Variants in DAB1 observed in about 807,000 individuals in gnomAD.
DAB1 encodes DAB adaptor protein 1, also known as disabled homolog 1.
A neutral mutation model predicts 64.6 loss-of-function variants in DAB1; 15 were observed. The observed-to-expected ratio is 0.23, with a 90% CI of 0.16 to 0.36. The LOEUF (loss-of-function observed/expected upper bound fraction) is 0.36, where lower values mean the gene tolerates loss of function less well. Ranked by LOEUF, DAB1 falls within the 10% of genes least tolerant of loss-of-function variation. The probability of loss-of-function intolerance (pLI) is 1.00; values close to 1 mark genes in which losing one functional copy is unlikely to be tolerated. For missense variants in DAB1, 596 were observed against 706.7 expected, an observed-to-expected ratio of 0.84 and a Z score of 1.78; for synonymous variants, 235 against 251.9, an observed-to-expected ratio of 0.93 and a Z score of 0.64.
intron 4 of DAB1, among the ~76,000 whole-genome samples, chr1:57,130,605 A>T (rs1005694387): frequency 1.3e-5 from 2 of 152,134 alleles, no homozygotes; most frequent in African/African-American, 4.8e-5. Context: ...TGTCATTTGG[A>T]GAACATGGAC....
chr1:57,160,889 T>A (rs1164206193), intron 2 of DAB1, among the ~76,000 whole-genome samples: 2 of 152,108 alleles, frequency 1.3e-5, no homozygotes, highest in Non-Finnish European at 2.9e-5. Flanking sequence ...GGGCTGGGTA[T>A]AAACACCCAG....
intron 6 of DAB1, among the ~76,000 whole-genome samples, chr1:57,797,595 C>A (rs1263028517): frequency 6.6e-6 from 1 of 152,188 alleles, no homozygotes; most frequent in Non-Finnish European, 1.5e-5. Context: ...AATGCTAGAA[C>A]ATGTTGAAGT....
intron 5 of DAB1, among the ~76,000 whole-genome samples, chr1:58,011,901 G>C (rs1031248585): frequency 1.1e-4 from 17 of 152,120 alleles, no homozygotes; most frequent in African/African-American, 4.1e-4. Context: ...ATGTTGGCTA[G>C]GCTGATCTCA....
rs192515637 is a variant in DAB1, at chr1:58,499,082, C to G, written n.257+6978G>C. ...CATGATAAAATCCTACCATTTGTAA[C>G]AGTATGGATAAATCTGGAGGACATT... is the stretch of plus-strand genomic sequence containing the variant. On this transcript the variant is annotated intron_variant and non_coding_transcript_variant, in intron 3 of 20. Coordinates refer to the DAB1 transcript ENST00000485760. Among the ~76,000 whole-genome samples the G allele has an allele frequency of 1.7e-3, 260 of 151,978 alleles. 1 individual carries two copies. The highest frequency in any genetic ancestry group is 6.0e-3 in the African/African-American group (248 of 41,458).
chr1:57,003,260 C>A (rs986617925), intron 14 of DAB1, among the ~76,000 whole-genome samples: 1 of 152,224 alleles, frequency 6.6e-6, no homozygotes, highest in Non-Finnish European at 1.5e-5. Flanking sequence ...ATGTGCTCGA[C>A]TACAGCAGCC....
rs368605999 is a variant in DAB1 at position 58,068,170 on chromosome 1, C to G, written n.387+82341G>C. Among the ~76,000 whole-genome samples, 404 of 152,232 alleles carry G rather than the reference C, an allele frequency of 2.7e-3. 20 individuals carry two copies. In the South Asian group the frequency reaches 0.08, roughly 30 times the overall value. ...GCACTAGTGCAGATGAGATGCCAGA[C>G]AAAACAGGAAGTATCCTGGCACATA... On this transcript the variant is annotated intron_variant and non_coding_transcript_variant, in intron 5 of 20. Transcript: ENST00000485760.
chr1:57,703,128 G>A (rs926183391), intron 6 of DAB1, among the ~76,000 whole-genome samples: 1 of 152,104 alleles, frequency 6.6e-6, no homozygotes, highest in Non-Finnish European at 1.5e-5. Context: ...TATAGACAAG[G>A]AAAAAGATTT....
intron 2 of DAB1, among the ~76,000 whole-genome samples, chr1:57,178,781 T>C (rs950091879): frequency 1.3e-5 from 2 of 152,070 alleles, no homozygotes; most frequent in African/African-American, 4.8e-5. Context: ...TTCTTCTATC[T>C]GTATTATAAA....
chr1:57,935,399 A>G (rs1391456113), intron 5 of DAB1, among the ~76,000 whole-genome samples: 1 of 152,202 alleles, frequency 6.6e-6, no homozygotes, highest in Non-Finnish European at 1.5e-5. Context: ...ACAGTTCATG[A>G]TCTGGTGTTC....
At chr1:57,623,170 C>T (rs1465843789) in intron 7 of DAB1, among the ~76,000 whole-genome samples, 1 of 152,176 alleles carries the variant, frequency 6.6e-6, no homozygotes, top group Non-Finnish European at 1.5e-5. Context: ...GCAAAGCCGC[C>T]TGGCAGCAGG....
intron 1 of DAB1, among the ~76,000 whole-genome samples, chr1:57,303,343 C>A (rs1259967529): frequency 6.6e-6 from 1 of 152,166 alleles, no homozygotes. Flanking sequence ...TACTGCCCTG[C>A]TGCTTGCTCT....
At chr1:57,890,811 C>A (rs1157096838) in intron 5 of DAB1, among the ~76,000 whole-genome samples, 1 of 152,108 alleles carries the variant, frequency 6.6e-6, no homozygotes, top group African/African-American at 2.4e-5. Flanking sequence ...TATTACCCTG[C>A]GTAAAATCTT....
At chr1:58,258,693 A>G (rs969186689) in intron 4 of DAB1, among the ~76,000 whole-genome samples, 2 of 152,194 alleles carry the variant, frequency 1.3e-5, no homozygotes, top group Non-Finnish European at 2.9e-5. Context: ...TAAGGAACCC[A>G]GACCTCAAAC....
intron 4 of DAB1, among the ~76,000 whole-genome samples, chr1:57,107,148 G>T (rs1655239589): frequency 6.6e-6 from 1 of 152,124 alleles, no homozygotes; most frequent in Non-Finnish European, 1.5e-5. Context: ...GCTGAGGCAG[G>T]TGGATCACCT....
At chr1:57,427,558 C>T (rs1381207573), upstream of DAB1, among the ~76,000 whole-genome samples, 1 of 149,696 alleles carries the variant, frequency 6.7e-6, no homozygotes, top group Non-Finnish European at 1.5e-5. Context: ...ATTACTACTC[C>T]TCCAAAGAAA....
intron 1 of DAB1, among the ~76,000 whole-genome samples, chr1:57,378,817 C>T (rs1406808061): frequency 1.3e-5 from 2 of 152,156 alleles, no homozygotes; most frequent in Admixed American, 6.5e-5. Context: ...GGGTTAAGAA[C>T]ATATGTTTAA....
chr1:58,353,003 C>T (rs1324289614), intron 3 of DAB1, among the ~76,000 whole-genome samples: 2 of 152,042 alleles, frequency 1.3e-5, no homozygotes, highest in East Asian at 1.9e-4. Flanking sequence ...ACCTAGTTTA[C>T]GGTATTTTTG....
chr1:57,614,628 C>T (rs112862600), intron 7 of DAB1, among the ~76,000 whole-genome samples: 3 of 152,202 alleles, frequency 2.0e-5, no homozygotes, highest in African/African-American at 7.2e-5. Context: ...ATGATTGTGA[C>T]AGTGGGTGAT....
chr1:58,243,256 T>C (rs1190440305), intron 4 of DAB1, among the ~76,000 whole-genome samples: 1 of 152,080 alleles, frequency 6.6e-6, no homozygotes, highest in African/African-American at 2.4e-5. Flanking sequence ...AAAAAGGTCA[T>C]TTTGAAATAA....
Sources: gnomAD v4.1 joint callset for allele counts (sites outside exome capture counted in the v4.1 genomes callset) on GRCh38, gnomAD v4.1.1 for gene constraint, MANE v1.5 for transcripts, NCBI Gene and HGNC (gene_info 2026-07-23, HGNC 2026-07-21) for gene names.